The following SLC7A2 variants were observed in gnomAD, a reference collection of about 807,000 sequenced individuals.
SLC7A2 encodes solute carrier family 7 member 2.
A neutral mutation model predicts 58.9 loss-of-function variants in SLC7A2; 48 were observed. The ratio of observed to expected loss-of-function variants is 0.82; its 90% CI spans 0.65 to 1.04. The LOEUF (loss-of-function observed/expected upper bound fraction) is 1.04, where lower values mean the gene tolerates loss of function less well. Ranked by LOEUF, SLC7A2 falls within the 50% of genes least tolerant of loss-of-function variation. SLC7A2 has a pLI of 0.00. For synonymous variants in SLC7A2, 363 were observed against 314.5 expected (o/e 1.15, Z -1.63); for missense variants, 1,029 against 818.8 (o/e 1.26, Z -3.13).
intron 4 of SLC7A2, among the ~76,000 whole-genome samples, chr8:17,548,399 TC>T (rs1481552772): frequency 6.6e-6 from 1 of 152,204 alleles, no homozygotes; most frequent in East Asian, 1.9e-4. Flanking sequence ...ACTTTACCTA[TC>T]ACTGGCAAAG....
rs755615308 is a variant in SLC7A2, at chr8:17,567,320, T to C, written c.*2174T>C. ...CAATTGTTATATATGAACACTCAAATCTTTTACTGTAACGAAACCAAGAAA... is the reference window on the plus strand; with the variant it reads ...CAATTGTTATATATGAACACTCAAACCTTTTACTGTAACGAAACCAAGAAA... On this transcript the variant is annotated 3_prime_UTR_variant, in exon 13 of 13. Coordinates refer to ENST00000494857, the MANE Select transcript of SLC7A2 (RefSeq NM_001370338.1). 13 of 152,454 alleles carry C rather than the reference T, an allele frequency of 8.5e-5. No homozygotes were observed. 9.4% of individuals were successfully genotyped at this position (152,454 alleles called of 1,614,324 possible).
intron 2 of SLC7A2, 101 bp from the exon 3 acceptor site, chr8:17,543,217 A>AAAC: frequency 2.6e-6 from 2 of 774,840 alleles, no homozygotes; most frequent in Non-Finnish European, 3.8e-6. Context: ...CACACACACA[A>AAAC]ACACACACAC....
intron 8 of SLC7A2, chr8:17,555,015 A>C: frequency 6.2e-7 from 1 of 1,613,966 alleles, no homozygotes; most frequent in Non-Finnish European, 8.5e-7. Context: ...TACTGTTTAG[A>C]TTTCTTGCCA....
At chr8:17,515,293 C>A (rs1800760262) in intron 2 of SLC7A2, among the ~76,000 whole-genome samples, 1 of 147,392 alleles carries the variant, frequency 6.8e-6, no homozygotes, top group Non-Finnish European at 1.5e-5. Flanking sequence ...ATTGCCACAT[C>A]TTTTTCTTTT....
chr8:17,534,809 G>A (rs1362664391), intron 2 of SLC7A2, among the ~76,000 whole-genome samples: 2 of 151,868 alleles, frequency 1.3e-5, no homozygotes, highest in African/African-American at 2.4e-5. Context: ...AAACTATATG[G>A]CATGTAAAGT....
intron 2 of SLC7A2, among the ~76,000 whole-genome samples, chr8:17,514,152 A>C (rs945933884): frequency 2.0e-5 from 3 of 152,140 alleles, no homozygotes; most frequent in African/African-American, 7.2e-5. Flanking sequence ...GTCTCTCAGC[A>C]ATTTCATCCC....
chr8:17,561,779 C>G (rs1259730202), intron 10 of SLC7A2, among the ~76,000 whole-genome samples, 165 bp from the exon 11 acceptor site: 1 of 152,118 alleles, frequency 6.6e-6, no homozygotes, highest in Non-Finnish European at 1.5e-5. Context: ...AACTGGACAT[C>G]TCTCTCCTCA....
At chr8:17,522,775 C>G (rs1163617200) in intron 2 of SLC7A2, among the ~76,000 whole-genome samples, 1 of 152,058 alleles carries the variant, frequency 6.6e-6, no homozygotes, top group African/African-American at 2.4e-5. Flanking sequence ...GTGGCTCATC[C>G]CTGTCATCTC....
In SLC7A2 at chr8:17,539,581, T is replaced by C. The variant is rs571918127; in HGVS notation, c.-22-3737T>C. On this transcript the variant is annotated intron_variant, in intron 2 of 12. Transcript: ENST00000494857. ...ATTGCCAGAATCACTTGTGACCTCA[T>C]AGGGATGTTGATCAGAGCCTTATAT... Among the ~76,000 whole-genome samples the C allele has an allele frequency of 4.6e-5, 7 of 152,306 alleles. No homozygotes were observed. The South Asian group carries it at 8.3e-4, about 18-fold the overall frequency.
At chr8:17,534,039 T>C (rs1474756785) in intron 2 of SLC7A2, among the ~76,000 whole-genome samples, 1 of 152,148 alleles carries the variant, frequency 6.6e-6, no homozygotes, top group Non-Finnish European at 1.5e-5. Flanking sequence ...CCTGCATTAT[T>C]TTGCTGAGGA....
At position 17,551,791 on chromosome 8, in the gene SLC7A2, C is replaced by G. The variant is rs973537139; in HGVS notation, c.860C>G (p.Ala287Gly). 5.6e-6 allele frequency: 9 copies of G among 1,613,776 alleles called. No individual in the cohort carries two copies. The highest frequency in any genetic ancestry group is 1.3e-5 in the African/African-American group (1 of 74,850). Residue 287 changes from alanine to glycine, a missense_variant, in exon 7 of 13, where the codon GCT becomes GGT. Ala to Gly is a moderately conservative substitution (Grantham distance 60). Transcript: ENST00000494857. ...TGEEVRNPQK[A>G]IPIGIVTSLL... is the part of the protein sequence containing the mutation. ...GAAGAAGTTCGGAATCCCCAGAAAG[C>G]TATTCCCATTGGAATTGTGACGTCT...
At chr8:17,532,264 A>T (rs531450607) in intron 2 of SLC7A2, among the ~76,000 whole-genome samples, 1 of 111,464 alleles carries the variant, frequency 9.0e-6, no homozygotes, top group Non-Finnish European at 1.9e-5. Context: ...AAAAAACCCC[A>T]GCAATTCTAG....
At chr8:17,531,111 T>TA (rs1269104787) in intron 2 of SLC7A2, among the ~76,000 whole-genome samples, 1 of 152,132 alleles carries the variant, frequency 6.6e-6, no homozygotes, top group African/African-American at 2.4e-5. Flanking sequence ...TTCCTGGAAA[T>TA]GGTGTAATTC....
intron 4 of SLC7A2, among the ~76,000 whole-genome samples, chr8:17,548,216 C>A (rs760031675): frequency 2.0e-5 from 3 of 152,110 alleles, no homozygotes; most frequent in Admixed American, 1.3e-4. Flanking sequence ...TGGCACACAC[C>A]TGTAGTCCCA....
chr8:17,521,856 C>G (rs1417551797), intron 2 of SLC7A2, among the ~76,000 whole-genome samples: 1 of 152,200 alleles, frequency 6.6e-6, no homozygotes, highest in African/African-American at 2.4e-5. Flanking sequence ...GCCCTTGTTT[C>G]CCTGTTTAAA....
intron 2 of SLC7A2, chr8:17,520,640 T>C (rs1337844727): frequency 2.2e-5 from 1 of 44,596 alleles, no homozygotes; most frequent in Non-Finnish European, 3.3e-5. Flanking sequence ...GACTCTGTCT[T>C]TAAAAAAAAA....
chr8:17,556,603 G>A (rs1394188411), intron 8 of SLC7A2, among the ~76,000 whole-genome samples: 1 of 146,600 alleles, frequency 6.8e-6, no homozygotes, highest in Admixed American at 6.7e-5. Flanking sequence ...TGACGTATAT[G>A]AGCAATGAAG....
At chr8:17,549,396 T>C (rs1802339189) in intron 5 of SLC7A2, among the ~76,000 whole-genome samples, 1 of 152,260 alleles carries the variant, frequency 6.6e-6, no homozygotes, top group Non-Finnish European at 1.5e-5. Context: ...GGTATGCTCC[T>C]TTTGGAGCAA....
chr8:17,501,467 T>G (rs1400167949), intron 1 of SLC7A2, among the ~76,000 whole-genome samples: 1 of 152,236 alleles, frequency 6.6e-6, no homozygotes, highest in Non-Finnish European at 1.5e-5. Flanking sequence ...GGGTCACGTC[T>G]CTTATTTAGA....
Sources: gnomAD v4.1 joint callset for allele counts (sites outside exome capture counted in the v4.1 genomes callset) on GRCh38, gnomAD v4.1.1 for gene constraint, MANE v1.5 for transcripts, NCBI Gene and HGNC (gene_info 2026-07-23, HGNC 2026-07-21) for gene names.